TSHZ2: variants seen among roughly 807,000 people sequenced by gnomAD.
TSHZ2 encodes teashirt homolog 2.
Under a neutral mutation model 74.4 loss-of-function variants are expected in TSHZ2, and 21 were observed. That is an observed-to-expected ratio of 0.28 (90% CI 0.20 to 0.41). The LOEUF (loss-of-function observed/expected upper bound fraction) is 0.41, where lower values mean the gene tolerates loss of function less well. TSHZ2 is among the 10% of genes least tolerant of loss of function. TSHZ2 has a pLI of 1.00. For synonymous variants in TSHZ2, 540 were observed against 515.3 expected, an observed-to-expected ratio of 1.05 and a Z score of -0.65; for missense variants, 1,244 against 1,293.5, an observed-to-expected ratio of 0.96 and a Z score of 0.59.
At chr20:53,115,802 A>G (rs923463580) in intron 1 of TSHZ2, among the ~76,000 whole-genome samples, 2 of 152,122 alleles carry the variant, frequency 1.3e-5, no homozygotes, top group African/African-American at 4.8e-5. Flanking sequence ...TGCAAAGGCC[A>G]CTGGTGGGGA....
intron 1 of TSHZ2, among the ~76,000 whole-genome samples, chr20:53,184,898 G>A (rs1243227989): frequency 6.6e-6 from 1 of 151,968 alleles, no homozygotes; most frequent in Admixed American, 6.6e-5. Flanking sequence ...AGTATAGATG[G>A]GATTTCACCA....
At chr20:53,467,207 C>T (rs1985588735) in intron 2 of TSHZ2, among the ~76,000 whole-genome samples, 1 of 152,152 alleles carries the variant, frequency 6.6e-6, no homozygotes, top group African/African-American at 2.4e-5. Context: ...CTATTTTCTC[C>T]TTTTTTATAA....
intron 1 of TSHZ2, among the ~76,000 whole-genome samples, chr20:53,089,505 A>C (rs903169671): frequency 6.6e-6 from 1 of 152,126 alleles, no homozygotes; most frequent in Non-Finnish European, 1.5e-5. Flanking sequence ...TGAAGTATCT[A>C]TTACATGCCA....
intron 2 of TSHZ2, among the ~76,000 whole-genome samples, chr20:53,403,423 C>T (rs1982740946): frequency 6.6e-6 from 1 of 152,206 alleles, no homozygotes; most frequent in South Asian, 2.1e-4. Flanking sequence ...CCCCAAGTCT[C>T]TTTCTTTTTA....
chr20:52,981,579 C>T (rs1251429210), intron 1 of TSHZ2, among the ~76,000 whole-genome samples: 1 of 152,132 alleles, frequency 6.6e-6, no homozygotes, highest in Non-Finnish European at 1.5e-5. Flanking sequence ...CCAGTTATCA[C>T]AGAACAAGGG....
chr20:53,262,082 G>A (rs1990613106), intron 2 of TSHZ2, among the ~76,000 whole-genome samples: 2 of 152,046 alleles, frequency 1.3e-5, no homozygotes, highest in South Asian at 4.1e-4. Context: ...GGCTTGGGGA[G>A]GATTTTTTTT....
intron 1 of TSHZ2, among the ~76,000 whole-genome samples, chr20:53,232,597 GTC>G (rs1306055055): frequency 6.6e-6 from 1 of 152,130 alleles, no homozygotes; most frequent in Non-Finnish European, 1.5e-5. Flanking sequence ...AATTAGCCAG[GTC>G]CTCTTCATAA....
At chr20:53,166,831 T>A (rs1054535572) in intron 1 of TSHZ2, among the ~76,000 whole-genome samples, 1 of 152,154 alleles carries the variant, frequency 6.6e-6, no homozygotes, top group South Asian at 2.1e-4. Context: ...TCTGCCTGCA[T>A]GCAGCTTACA....
chr20:53,270,765 A>G (rs1010690378), intron 2 of TSHZ2, among the ~76,000 whole-genome samples: 1 of 152,182 alleles, frequency 6.6e-6, no homozygotes, highest in Admixed American at 6.5e-5. Flanking sequence ...TCAAATGTGC[A>G]TGGTTTTATT....
chr20:53,244,001 G>T (rs1184582091), intron 1 of TSHZ2, among the ~76,000 whole-genome samples: 1 of 152,054 alleles, frequency 6.6e-6, no homozygotes, highest in African/African-American at 2.4e-5. Flanking sequence ...AGAGAAAGAA[G>T]CAGCATTTGC....
intron 1 of TSHZ2, among the ~76,000 whole-genome samples, chr20:53,210,018 A>G (rs1298025155): frequency 6.6e-6 from 1 of 152,262 alleles, no homozygotes; most frequent in Non-Finnish European, 1.5e-5. Flanking sequence ...GCCTTGATGT[A>G]GCGTTAAGTC....
intron 2 of TSHZ2, among the ~76,000 whole-genome samples, chr20:53,287,606 C>A (rs1991193903): frequency 6.6e-6 from 1 of 152,152 alleles, no homozygotes; most frequent in Non-Finnish European, 1.5e-5. Flanking sequence ...GCTTGACTGT[C>A]TAAGAGGTTA....
chr20:53,480,890 G>A (rs994188328), intron 2 of TSHZ2, among the ~76,000 whole-genome samples: 11 of 152,216 alleles, frequency 7.2e-5, no homozygotes, highest in Admixed American at 5.9e-4. Flanking sequence ...GCATCTGTTG[G>A]TGGCTCTGTA....
At chr20:53,333,190 A>C (rs953548666) in intron 2 of TSHZ2, among the ~76,000 whole-genome samples, 6 of 152,200 alleles carry the variant, frequency 3.9e-5, no homozygotes, top group African/African-American at 1.4e-4. Flanking sequence ...TGATTGAACA[A>C]ATATTTATTT....
intron 2 of TSHZ2, among the ~76,000 whole-genome samples, chr20:53,443,583 G>C (rs1036510499): frequency 6.6e-6 from 1 of 152,136 alleles, no homozygotes; most frequent in African/African-American, 2.4e-5. Flanking sequence ...TAGCCTCTCC[G>C]ATCTTCAGGT....
intron 1 of TSHZ2, among the ~76,000 whole-genome samples, chr20:53,108,906 C>T (rs78403447): frequency 0.065 from 9,958 of 152,212 alleles, 465 homozygotes; most frequent in Admixed American, 0.12. Flanking sequence ...TCTTTTTCTT[C>T]CTTCCCTGCA....
At chr20:53,038,813 G>C (rs186146040) in intron 1 of TSHZ2, among the ~76,000 whole-genome samples, 100 of 150,960 alleles carry the variant, frequency 6.6e-4, no homozygotes, top group Non-Finnish European at 1.0e-4. Context: ...GTTAGAATAG[G>C]TATTCTAACA....
rs185418681 is a variant in TSHZ2, at chr20:53,218,642, A to G, written c.41-34857A>G. Among the ~76,000 whole-genome samples, 260 of 152,116 alleles carry G rather than the reference A, an allele frequency of 1.7e-3. 1 individual carries two copies. Among genetic ancestry groups the G allele is most frequent in the African/African-American group, 5.1e-3 (210 of 41,470 alleles). ...CTCTCCCCAATACCTACCTCTTTCT[A>G]TTGTCTCCCTGAGGCCAAACATCAC... On this transcript the variant is annotated intron_variant, in intron 1 of 2. Coordinates refer to ENST00000371497, the MANE Select transcript of TSHZ2 (RefSeq NM_173485.6).
chr20:53,456,032 T>G (rs1985061636), intron 2 of TSHZ2, among the ~76,000 whole-genome samples: 1 of 152,158 alleles, frequency 6.6e-6, no homozygotes, highest in African/African-American at 2.4e-5. Flanking sequence ...TGTGTGCATG[T>G]GTCTTTATAG....
Sources: gnomAD v4.1 joint callset for allele counts (sites outside exome capture counted in the v4.1 genomes callset) on GRCh38, gnomAD v4.1.1 for gene constraint, MANE v1.5 for transcripts, NCBI Gene and HGNC (gene_info 2026-07-23, HGNC 2026-07-21) for gene names.